CD226: variants seen among roughly 807,000 people sequenced by gnomAD.
CD226 encodes CD226 molecule.
In CD226, 24 loss-of-function variants were observed where a neutral mutation model predicts 34.9. The ratio of observed to expected loss-of-function variants is 0.69; its 90% CI spans 0.50 to 0.97. The LOEUF is 0.97. Among genes scored for constraint, CD226 ranks in the 50% least tolerant of loss-of-function variants. The probability of loss-of-function intolerance (pLI) is 0.00; values close to 1 mark genes in which losing one functional copy is unlikely to be tolerated. For missense variants in CD226, 397 were observed against 412.7 expected (o/e 0.96, Z 0.33); for synonymous variants, 148 against 147.4 (o/e 1.00, Z -0.03).
At chr18:69,960,367 C>A (rs1313207308), upstream of CD226, among the ~76,000 whole-genome samples, 1 of 152,148 alleles carries the variant, frequency 6.6e-6, no homozygotes, top group Non-Finnish European at 1.5e-5. Flanking sequence ...GGAGCTACTG[C>A]AGAACAAACA....
chr18:69,927,147 T>C, intron 2 of CD226, among the ~76,000 whole-genome samples: 1 of 152,140 alleles, frequency 6.6e-6, no homozygotes, highest in East Asian at 1.9e-4. Flanking sequence ...TTCAGAAAGA[T>C]GTTGAAGGGA....
intron 2 of CD226, among the ~76,000 whole-genome samples, chr18:69,939,467 T>C (rs925897995): frequency 7.9e-5 from 12 of 152,362 alleles, no homozygotes; most frequent in South Asian, 4.1e-4. Context: ...TAGAGTATCC[T>C]AATGTGTGAA....
chr18:69,880,342 A>AAG (rs1343755446), intron 3 of CD226, among the ~76,000 whole-genome samples: 4 of 69,938 alleles, frequency 5.7e-5, no homozygotes, highest in Admixed American at 3.3e-4. Flanking sequence ...GAAAGAAAGA[A>AAG]AGAAAGAAAG....
At chr18:69,933,065 T>G (rs1188296087) in intron 2 of CD226, among the ~76,000 whole-genome samples, 1 of 152,198 alleles carries the variant, frequency 6.6e-6, no homozygotes, top group Non-Finnish European at 1.5e-5. Flanking sequence ...GGCTGCACCG[T>G]GGGGGCAGTG....
intron 3 of CD226, among the ~76,000 whole-genome samples, chr18:69,892,198 C>T (rs1006046999): frequency 1.3e-5 from 2 of 152,316 alleles, no homozygotes; most frequent in South Asian, 2.1e-4. Context: ...TCAATATTAG[C>T]CTCCTCCAGA....
At chr18:69,904,431 A>C (rs2055226618) in intron 2 of CD226, among the ~76,000 whole-genome samples, 1 of 152,228 alleles carries the variant, frequency 6.6e-6, no homozygotes. Context: ...CGGCCTCCCC[A>C]GCTTCAGAGC....
intron 2 of CD226, among the ~76,000 whole-genome samples, chr18:69,907,391 A>G (rs11877138): frequency 0.86 from 131,381 of 152,178 alleles, 59,337 homozygotes; most frequent in East Asian, 1. Flanking sequence ...ATCTTGACTC[A>G]GCACCTCCTG....
intron 1 of CD226, among the ~76,000 whole-genome samples, chr18:69,954,999 G>A (rs1274441348): frequency 1.3e-5 from 2 of 152,128 alleles, no homozygotes; most frequent in East Asian, 1.9e-4. Context: ...TGTCCTCAAG[G>A]AAGTCATTAA....
intron 2 of CD226, among the ~76,000 whole-genome samples, chr18:69,915,258 T>C (rs550648363): frequency 3.3e-5 from 5 of 152,350 alleles, no homozygotes; most frequent in Admixed American, 2.0e-4. Context: ...GAAATGCATA[T>C]ACACTTTAGC....
chr18:69,896,158 T>C, intron 2 of CD226, 113 bp from the exon 3 acceptor site: 1 of 1,446,090 alleles, frequency 6.9e-7, no homozygotes, highest in African/African-American at 1.4e-5. Flanking sequence ...AGTTCTTCCG[T>C]TGTGAATGAC....
In CD226 at chr18:69,861,181, GAATT is replaced by G. The variant is rs1982796522; in HGVS notation, c.*3129_*3132del. 1 of 151,828 alleles carries G rather than the reference GAATT, an allele frequency of 6.6e-6. No homozygotes were observed. The highest frequency in any genetic ancestry group is 2.4e-5 in the African/African-American group (1 of 41,380). The allele number at this position is 151,828 out of a possible 1,614,324, so 9.4% of individuals were successfully genotyped here. A position where few individuals can be genotyped will look rare whatever the true frequency, so the allele number is the denominator to read the frequency against. On this transcript the variant is annotated 3_prime_UTR_variant, in exon 6 of 6. Transcript: ENST00000582621. Reference sequence around the variant, plus strand: ...ATATATAGTATTTTAGTAATACACTGAATTACTTAAAACATAAATTGGAGTTTTT... The same window carrying G: ...ATATATAGTATTTTAGTAATACACTGACTTAAAACATAAATTGGAGTTTTT...
At chr18:69,896,167 A>T in intron 2 of CD226, 122 bp from the exon 3 acceptor site, 1 of 1,423,526 alleles carries the variant, frequency 7.0e-7, no homozygotes, top group Non-Finnish European at 9.1e-7. Context: ...GTTGTGAATG[A>T]CCTCTTTATA....
In CD226 at chr18:69,862,847, A is replaced by C. The variant is rs1982896712; in HGVS notation, c.*1467T>G. On this transcript the variant is annotated 3_prime_UTR_variant, in exon 6 of 6. Coordinates refer to ENST00000582621, the MANE Select transcript of CD226 (RefSeq NM_001303618.2). ...GTCCACAACTTTGATATTTAAATAC[A>C]GCCTTCATAATGAATCTTTTCTAGA... 1 of 152,216 alleles carries C rather than the reference A, an allele frequency of 6.6e-6. No individual in the cohort carries two copies. The allele number at this position is 152,216 out of a possible 1,614,324, so 9.4% of individuals were successfully genotyped here.
intron 1 of CD226, chr18:69,956,670 T>C (rs1203392532): frequency 4.1e-5 from 2 of 48,738 alleles, no homozygotes; most frequent in Non-Finnish European, 1.8e-4. Flanking sequence ...ATGGTTTCAC[T>C]GGCAGCCCCC....
At chr18:69,933,917 T>A (rs1274214485) in intron 2 of CD226, among the ~76,000 whole-genome samples, 1 of 152,226 alleles carries the variant, frequency 6.6e-6, no homozygotes, top group African/African-American at 2.4e-5. Context: ...TTTATAGGAT[T>A]TAAAGAGAAT....
At position 69,854,422 on chromosome 18, in the gene CD226, C is replaced by T. The variant is rs558194982; in HGVS notation, c.*9892G>A. 16 of 152,340 alleles carry T rather than the reference C, an allele frequency of 1.1e-4. No homozygotes were observed. Among genetic ancestry groups the T allele is most frequent in the African/African-American group, 3.8e-4 (16 of 41,570 alleles). 9.4% of individuals were successfully genotyped at this position (152,340 alleles called of 1,614,324 possible). On this transcript the variant is annotated 3_prime_UTR_variant, in exon 6 of 6. Coordinates refer to ENST00000582621, the MANE Select transcript of CD226 (RefSeq NM_001303618.2). Reference sequence around the variant, plus strand: ...GGCTGTGCTCTTGAGGCACTCCACACATTCAAGGGCTTTTCCAGTAGGAAA... The same window carrying T: ...GGCTGTGCTCTTGAGGCACTCCACATATTCAAGGGCTTTTCCAGTAGGAAA...
intron 2 of CD226, among the ~76,000 whole-genome samples, chr18:69,914,672 A>C (rs1331416100): frequency 6.6e-6 from 1 of 152,188 alleles, no homozygotes; most frequent in African/African-American, 2.4e-5. Context: ...TGTTACTCCC[A>C]ATAAAACAGA....
At chr18:69,869,602 T>G (rs969950940) in intron 4 of CD226, among the ~76,000 whole-genome samples, 4 of 152,148 alleles carry the variant, frequency 2.6e-5, no homozygotes, top group African/African-American at 9.7e-5. Flanking sequence ...ACAAACCCCA[T>G]GACACATGTT....
At chr18:69,895,586 A>G (rs1985220909) in intron 3 of CD226, 115 bp downstream of exon 3, 1 of 771,988 alleles carries the variant, frequency 1.3e-6, no homozygotes, top group South Asian at 1.7e-5. Flanking sequence ...CCATTTAAAA[A>G]AATGCTGAAT....
Sources: gnomAD v4.1 joint callset for allele counts (sites outside exome capture counted in the v4.1 genomes callset) on GRCh38, gnomAD v4.1.1 for gene constraint, MANE v1.5 for transcripts, NCBI Gene and HGNC (gene_info 2026-07-23, HGNC 2026-07-21) for gene names.